The following ALPL variants were observed in gnomAD, a reference collection of about 807,000 sequenced individuals.
ALPL encodes alkaline phosphatase, tissue-nonspecific isozyme.
In ALPL, 42 loss-of-function variants were observed where a neutral mutation model predicts 51.3. The ratio of observed to expected loss-of-function variants is 0.82; its 90% CI spans 0.64 to 1.06. The LOEUF is 1.06. Ranked by LOEUF, ALPL falls within the 50% of genes least tolerant of loss-of-function variation. The pLI is 0.00. For missense variants in ALPL, 589 were observed against 709.4 expected, an observed-to-expected ratio of 0.83 and a Z score of 1.93; for synonymous variants, 279 against 296.4, an observed-to-expected ratio of 0.94 and a Z score of 0.60.
At chr1:21,552,310 T>C (rs1644341927) in intron 1 of ALPL, among the ~76,000 whole-genome samples, 1 of 150,252 alleles carries the variant, frequency 6.7e-6, no homozygotes, top group Non-Finnish European at 1.5e-5. Context: ...ATGGACCCCA[T>C]CTCTACTAAA....
intron 9 of ALPL, among the ~76,000 whole-genome samples, chr1:21,574,974 T>A (rs1354557416): frequency 6.6e-6 from 1 of 152,224 alleles, no homozygotes; most frequent in African/African-American, 2.4e-5. Flanking sequence ...AGTGTTCCTT[T>A]AAGGTCACAG....
At chr1:21,573,329 CA>C (rs1350486232) in intron 8 of ALPL, among the ~76,000 whole-genome samples, 1 of 151,598 alleles carries the variant, frequency 6.6e-6, no homozygotes, top group Non-Finnish European at 1.5e-5. Flanking sequence ...CCCAGCTATT[CA>C]GGAGGCTAAG....
rs1193153163 is a variant in ALPL, at chr1:21,564,117, C to G, written c.549C>G (p.Asp183Glu). 1.2e-6 allele frequency: 2 copies of G among 1,614,090 alleles called. No individual in the cohort carries two copies. Among genetic ancestry groups the G allele is most frequent in the Non-Finnish European group, 8.5e-7 (1 of 1,180,010 alleles). Residue 183 changes from aspartate to glutamate, a missense_variant, in exon 6 of 12, where the codon GAC becomes GAG. Coordinates refer to ENST00000374840, the MANE Select transcript of ALPL (RefSeq NM_000478.6). The surrounding 1 kb of genome is among the most constrained non-coding windows in gnomAD (Gnocchi z 5.8). The stretch of plus-strand genomic sequence containing the variant: ...GCGCCGCCTACGCCCACTCGGCTGA[C>G]CGGGACTGGTACTCAGACAACGAGA... ...TPSAAYAHSA[D>E]RDWYSDNEMP...
At position 21,573,693 on chromosome 1, in the gene ALPL, C is replaced by A. The variant is rs755529290; in HGVS notation, c.891C>A (p.Tyr297Ter). Residue 297 changes from tyrosine (Y) to a stop codon, truncating the protein, a stop_gained, in exon 9 of 12, where the codon TAC (tyrosine) becomes TAA (stop). Coordinates refer to ENST00000374840, the MANE Select transcript of ALPL (RefSeq NM_000478.6). LOFTEE classifies it high-confidence loss of function. ...TCTTCGAGCCAGGGGACATGCAGTA[C>A]GAGCTGAACAGGAACAACGTGACGG... ...LGLFEPGDMQ[Y>*]ELNRNNVTDP... is the part of the protein sequence containing the mutation. The A allele has an allele frequency of 5.3e-5, 86 of 1,613,862 alleles. No individual in the cohort carries two copies. Among genetic ancestry groups the A allele is most frequent in the Non-Finnish European group, 7.3e-5 (86 of 1,179,986 alleles).
chr1:21,550,879 T>C (rs1570244985), intron 1 of ALPL, among the ~76,000 whole-genome samples: 1 of 152,226 alleles, frequency 6.6e-6, no homozygotes. Flanking sequence ...TTCTCCTTGC[T>C]GTCTGTGGTG....
chr1:21,561,058 A>G (rs1473275366), intron 3 of ALPL, 39 bp from the exon 4 acceptor site: 7 of 1,549,190 alleles, frequency 4.5e-6, no homozygotes, highest in Non-Finnish European at 6.2e-6. Flanking sequence ...TTGGAGAGGC[A>G]GGAGCACGAG....
At chr1:21,516,355 A>G (rs1643800245) in intron 1 of ALPL, among the ~76,000 whole-genome samples, 1 of 152,076 alleles carries the variant, frequency 6.6e-6, no homozygotes, top group African/African-American at 2.4e-5. Context: ...GAGCCCTTCT[A>G]TAGCTCCTCT....
intron 1 of ALPL, chr1:21,551,497 A>G (rs1644319773): frequency 6.6e-6 from 1 of 151,890 alleles, no homozygotes; most frequent in Non-Finnish European, 1.5e-5. Context: ...AGTTAATAAC[A>G]TTTTTCTGAT....
chr1:21,522,289 T>C (rs535750964), intron 1 of ALPL, among the ~76,000 whole-genome samples: 18 of 152,302 alleles, frequency 1.2e-4, no homozygotes, highest in African/African-American at 3.8e-4. Flanking sequence ...TTAGCCAGGA[T>C]GGTCTCCATC....
intron 1 of ALPL, among the ~76,000 whole-genome samples, chr1:21,531,973 T>G (rs1644036413): frequency 6.6e-6 from 1 of 151,664 alleles, no homozygotes; most frequent in Non-Finnish European, 1.5e-5. Flanking sequence ...TTGCCTAGGC[T>G]TAGTGGTATT....
intron 1 of ALPL, among the ~76,000 whole-genome samples, chr1:21,526,816 TA>T (rs1385725268): frequency 6.6e-6 from 1 of 152,186 alleles, no homozygotes; most frequent in Non-Finnish European, 1.5e-5. Flanking sequence ...TTTTCTGTTT[TA>T]TCACTTTAAA....
In ALPL at chr1:21,549,069, A is replaced by T. The variant is rs945385475; in HGVS notation, c.-104-4909A>T. Among the ~76,000 whole-genome samples the T allele has an allele frequency of 1.1e-4, 16 of 152,330 alleles. No homozygotes were observed. In the South Asian group the frequency reaches 3.3e-3, roughly 32 times the overall value. ...CCCCGGCTCCTCACCATCATAAGCC[A>T]GTGTTAAAAGGAGTTTGCCAAAGCT... On this transcript the variant is annotated intron_variant, in intron 1 of 11. Transcript: ENST00000374840.
At chr1:21,522,317 G>T (rs561868967) in intron 1 of ALPL, among the ~76,000 whole-genome samples, 3 of 152,012 alleles carry the variant, frequency 2.0e-5, no homozygotes, top group African/African-American at 4.8e-5. Flanking sequence ...TTCATGATCC[G>T]CCCGCCTTGG....
At chr1:21,527,653 G>A (rs1050870127) in intron 1 of ALPL, among the ~76,000 whole-genome samples, 9 of 151,358 alleles carry the variant, frequency 5.9e-5, no homozygotes, top group African/African-American at 9.7e-5. Context: ...GGGTTTAGGC[G>A]ATTCTCCTGC....
chr1:21,550,093 C>T (rs1478670077), intron 1 of ALPL, among the ~76,000 whole-genome samples: 3 of 152,156 alleles, frequency 2.0e-5, no homozygotes, highest in East Asian at 1.9e-4. Flanking sequence ...GATCAGGGAT[C>T]GCCAGGTTTA....
At chr1:21,557,002 C>G (rs1279995944) in intron 2 of ALPL, among the ~76,000 whole-genome samples, 1 of 152,226 alleles carries the variant, frequency 6.6e-6, no homozygotes, top group African/African-American at 2.4e-5. Context: ...AGGCGTTCCT[C>G]TCTGCATCAG....
intron 1 of ALPL, among the ~76,000 whole-genome samples, chr1:21,513,865 AGCT>A (rs1375359151): frequency 6.6e-6 from 1 of 152,196 alleles, no homozygotes. Flanking sequence ...GCTGATTAGC[AGCT>A]GCTCCATCCA....
rs1644683309 is a variant in ALPL, at chr1:21,573,653, C to CCCCG, written c.863-12_863-11insCCCG. On this transcript the variant is annotated splice_polypyrimidine_tract_variant and intron_variant, in intron 8 of 11. Coordinates refer to ENST00000374840, the MANE Select transcript of ALPL (RefSeq NM_000478.6). The stretch of plus-strand genomic sequence containing the variant: ...CCTCTCAGCATCCACATCCTCCTGG[C>CCCCG]GTCCTCCTCAGGTCTCTTCGAGCCA... 6.8e-6 allele frequency: 11 copies of CCCCG among 1,612,520 alleles called. No individual in the cohort carries two copies. The highest frequency in any genetic ancestry group is 9.3e-6 in the Non-Finnish European group (11 of 1,179,642).
At position 21,538,329 on chromosome 1, in the gene ALPL, G is replaced by A. The variant is rs555243786; in HGVS notation, c.-104-15649G>A. 1.6e-4 allele frequency among the ~76,000 whole-genome samples: 24 copies of A among 152,270 alleles called. No individual in the cohort carries two copies. In the South Asian group the frequency reaches 3.9e-3, roughly 25 times the overall value. The stretch of plus-strand genomic sequence containing the variant: ...CCCTGCCCTACTATGTCCCAAGGTC[G>A]CCGCGGAGATCAAACGCAAAAGCCA... On this transcript the variant is annotated intron_variant, in intron 1 of 11. Coordinates refer to ENST00000374840, the MANE Select transcript of ALPL (RefSeq NM_000478.6).
Sources: allele counts gnomAD v4.1 joint callset (sites outside exome capture counted in the v4.1 genomes callset), GRCh38; gene constraint gnomAD v4.1.1; non-coding constraint Gnocchi (gnomAD v3.1); transcripts MANE v1.5; gene names NCBI Gene and HGNC (gene_info 2026-07-23, HGNC 2026-07-21).